The following GRIA4 variants were observed in gnomAD, a reference collection of about 807,000 sequenced individuals.
The protein encoded by GRIA4 is glutamate receptor 4.
GRIA4 carries 34 observed loss-of-function variants against 104.0 expected under a neutral mutation model. The observed-to-expected ratio is 0.33, with a 90% CI of 0.25 to 0.44. The LOEUF (loss-of-function observed/expected upper bound fraction) is 0.44, where lower values mean the gene tolerates loss of function less well. Ranked by LOEUF, GRIA4 falls within the 20% of genes least tolerant of loss-of-function variation. The pLI, the probability that GRIA4 is intolerant of heterozygous loss-of-function variation, is 1.00. For synonymous variants in GRIA4, 386 were observed against 381.9 expected (o/e 1.01, Z -0.13); for missense variants, 750 against 1,096.5 (o/e 0.68, Z 4.46).
chr11:105,966,642 T>C (rs471396), intron 14 of GRIA4, among the ~76,000 whole-genome samples: 98,422 of 151,968 alleles, frequency 0.65, 31,898 homozygotes, highest in Middle Eastern at 0.72. Flanking sequence ...GAAACAAAAA[T>C]AAAATCAACT....
At chr11:105,710,530 G>A (rs965480774) in intron 3 of GRIA4, among the ~76,000 whole-genome samples, 1 of 152,094 alleles carries the variant, frequency 6.6e-6, no homozygotes, top group African/African-American at 2.4e-5. Flanking sequence ...GAGTATCTTA[G>A]ATGTGAAATG....
At chr11:105,795,429 A>G (rs1372477730) in intron 4 of GRIA4, among the ~76,000 whole-genome samples, 1 of 152,150 alleles carries the variant, frequency 6.6e-6, no homozygotes, top group Non-Finnish European at 1.5e-5. Flanking sequence ...CTTGTAGGAG[A>G]GTATGAAACA....
At chr11:105,746,878 A>G (rs948527837) in intron 3 of GRIA4, among the ~76,000 whole-genome samples, 1 of 152,082 alleles carries the variant, frequency 6.6e-6, no homozygotes, top group African/African-American at 2.4e-5. Flanking sequence ...TTGAACCAAC[A>G]ATCGGCAAAA....
chr11:105,623,480 A>G (rs1228453686), intron 3 of GRIA4, among the ~76,000 whole-genome samples: 2 of 151,766 alleles, frequency 1.3e-5, no homozygotes, highest in Non-Finnish European at 2.9e-5. Flanking sequence ...TAAAATTCCA[A>G]CTCTTTACCA....
At chr11:105,718,877 T>C (rs1268512508) in intron 3 of GRIA4, among the ~76,000 whole-genome samples, 1 of 152,164 alleles carries the variant, frequency 6.6e-6, no homozygotes, top group Non-Finnish European at 1.5e-5. Context: ...AGCAGGATTC[T>C]TGTCAATTCC....
At chr11:105,818,227 T>C (rs1038070390) in intron 4 of GRIA4, among the ~76,000 whole-genome samples, 2 of 152,006 alleles carry the variant, frequency 1.3e-5, no homozygotes, top group African/African-American at 4.8e-5. Context: ...AAGGTGATGT[T>C]TGGTTTGAAG....
Position 105,980,206 on chromosome 11 carries a change from A to G in GRIA4, c.*467A>G, listed in dbSNP as rs1859202271. On this transcript the variant is annotated 3_prime_UTR_variant, in exon 17 of 17. Transcript: ENST00000282499. ...CCATGGAAGAAAATCCAGCTGAGAA[A>G]ACAAATCACTAAACTGTGATAAGAA... 1.3e-5 allele frequency: 2 copies of G among 153,170 alleles called. No homozygotes were observed. Among genetic ancestry groups the G allele is most frequent in the Admixed American group, 6.5e-5 (1 of 15,314 alleles). 9.5% of individuals were successfully genotyped at this position (153,170 alleles called of 1,614,324 possible). A position where few individuals can be genotyped will look rare whatever the true frequency, so the allele number is the denominator to read the frequency against.
At chr11:105,791,307 T>G (rs1411571529) in intron 4 of GRIA4, among the ~76,000 whole-genome samples, 1 of 152,190 alleles carries the variant, frequency 6.6e-6, no homozygotes, top group Non-Finnish European at 1.5e-5. Context: ...AATTGTGATA[T>G]GCATTTATAT....
chr11:105,813,861 G>T (rs1413408525), intron 4 of GRIA4, among the ~76,000 whole-genome samples: 7 of 152,036 alleles, frequency 4.6e-5, no homozygotes, highest in African/African-American at 1.7e-4. Flanking sequence ...TAAATAAGAG[G>T]ACATGAGAGA....
chr11:105,658,759 T>C (rs142793782), intron 3 of GRIA4, among the ~76,000 whole-genome samples: 1 of 151,886 alleles, frequency 6.6e-6, no homozygotes, highest in Non-Finnish European at 1.5e-5. Context: ...GTTGAATTTT[T>C]TGAGGAAATT....
intron 14 of GRIA4, among the ~76,000 whole-genome samples, chr11:105,960,848 G>GCCTCCC (rs1404957583): frequency 2.6e-5 from 4 of 152,144 alleles, no homozygotes; most frequent in African/African-American, 7.2e-5. Flanking sequence ...CTCACTCACC[G>GCCTCCC]CCTCCCGTGG....
intron 3 of GRIA4, among the ~76,000 whole-genome samples, chr11:105,660,384 A>G (rs1046818423): frequency 4.0e-5 from 6 of 151,708 alleles, no homozygotes; most frequent in African/African-American, 1.4e-4. Context: ...ACTAAGAATG[A>G]CATTACAGAT....
chr11:105,972,347 A>G (rs1858742364), intron 15 of GRIA4, among the ~76,000 whole-genome samples: 2 of 152,144 alleles, frequency 1.3e-5, no homozygotes, highest in South Asian at 4.1e-4. Flanking sequence ...TTTGTTTTGG[A>G]GGCAAAGACT....
chr11:105,693,645 C>T (rs965268820), intron 3 of GRIA4, among the ~76,000 whole-genome samples: 8 of 152,092 alleles, frequency 5.3e-5, no homozygotes, highest in African/African-American at 9.7e-5. Context: ...TCATTGTAAA[C>T]GCTAACAGAG....
intron 3 of GRIA4, among the ~76,000 whole-genome samples, chr11:105,635,835 C>T (rs1951187498): frequency 6.6e-6 from 1 of 152,180 alleles, no homozygotes; most frequent in African/African-American, 2.4e-5. Flanking sequence ...ATCCTAACCT[C>T]ATATATTTTA....
At chr11:105,918,097 C>T (rs1947461436) in intron 10 of GRIA4, among the ~76,000 whole-genome samples, 1 of 152,020 alleles carries the variant, frequency 6.6e-6, no homozygotes, top group Non-Finnish European at 1.5e-5. Context: ...TACTGGACAA[C>T]ATTAGGAAAG....
intron 16 of GRIA4, among the ~76,000 whole-genome samples, chr11:105,977,307 C>A (rs987060760): frequency 6.6e-6 from 1 of 151,934 alleles, no homozygotes; most frequent in Non-Finnish European, 1.5e-5. Context: ...CCTATGAATT[C>A]TCTGGAACTA....
chr11:105,844,738 C>T (rs975234881), intron 4 of GRIA4, among the ~76,000 whole-genome samples: 2 of 152,144 alleles, frequency 1.3e-5, no homozygotes, highest in Non-Finnish European at 2.9e-5. Flanking sequence ...GACTTTATTA[C>T]TGCTGCTGCT....
At chr11:105,638,650 T>TA (rs1951275233) in intron 3 of GRIA4, among the ~76,000 whole-genome samples, 1 of 152,076 alleles carries the variant, frequency 6.6e-6, no homozygotes, top group African/African-American at 2.4e-5. Context: ...CATTTTTTAT[T>TA]AAAAATCACT....
Sources: gnomAD v4.1 joint callset for allele counts (sites outside exome capture counted in the v4.1 genomes callset) on GRCh38, gnomAD v4.1.1 for gene constraint, MANE v1.5 for transcripts, NCBI Gene and HGNC (gene_info 2026-07-23, HGNC 2026-07-21) for gene names.